SNTG1: variants seen among roughly 807,000 people sequenced by gnomAD.
SNTG1 encodes the protein syntrophin gamma 1.
In SNTG1, 39 loss-of-function variants were observed where a neutral mutation model predicts 74.7. The ratio of observed to expected loss-of-function variants is 0.52; its 90% CI spans 0.40 to 0.68. SNTG1 has a LOEUF of 0.68. Among genes scored for constraint, SNTG1 ranks in the 30% least tolerant of loss-of-function variants. The probability of loss-of-function intolerance (pLI) is 0.00; values close to 1 mark genes in which losing one functional copy is unlikely to be tolerated. For missense variants in SNTG1, 685 were observed against 609.5 expected, an observed-to-expected ratio of 1.12 and a Z score of -1.30; for synonymous variants, 254 against 217.1, an observed-to-expected ratio of 1.17 and a Z score of -1.49.
intron 2 of SNTG1, among the ~76,000 whole-genome samples, chr8:50,372,991 A>C (rs1418356132): frequency 1.3e-5 from 2 of 152,176 alleles, no homozygotes; most frequent in African/African-American, 4.8e-5. Flanking sequence ...CATCTGTCCA[A>C]GCAGTATAAC....
intron 4 of SNTG1, among the ~76,000 whole-genome samples, chr8:50,429,317 A>T (rs2093204544): frequency 6.6e-6 from 1 of 152,146 alleles, no homozygotes; most frequent in South Asian, 2.1e-4. Context: ...AATAGAATTG[A>T]GAGTTCAGAA....
At chr8:50,012,158 T>C (rs1218516698) in intron 1 of SNTG1, among the ~76,000 whole-genome samples, 1 of 152,204 alleles carries the variant, frequency 6.6e-6, no homozygotes, top group Non-Finnish European at 1.5e-5. Context: ...TTTATTTCTT[T>C]AAATTTAAAA....
chr8:50,063,245 A>G (rs1457177488), intron 1 of SNTG1, among the ~76,000 whole-genome samples: 1 of 152,254 alleles, frequency 6.6e-6, no homozygotes, highest in Non-Finnish European at 1.5e-5. Context: ...ACAATAACAA[A>G]ACTTCAGAGA....
intron 18 of SNTG1, among the ~76,000 whole-genome samples, chr8:50,752,603 T>C (rs547560828): frequency 1.3e-5 from 2 of 151,970 alleles, no homozygotes; most frequent in African/African-American, 2.4e-5. Context: ...TATCCCAGTA[T>C]AGAGAAAAGG....
At chr8:49,930,146 G>T (rs2449957) in intron 1 of SNTG1, among the ~76,000 whole-genome samples, 29 of 152,030 alleles carry the variant, frequency 1.9e-4, no homozygotes, top group Non-Finnish European at 2.9e-4. Context: ...TTGGAGATGA[G>T]GACAAAAAGA....
chr8:50,535,557 C>G (rs1196802715), intron 10 of SNTG1, among the ~76,000 whole-genome samples: 1 of 152,154 alleles, frequency 6.6e-6, no homozygotes, highest in African/African-American at 2.4e-5. Context: ...ATTGAGTCAC[C>G]AGTAGGGACC....
At chr8:50,707,041 T>C (rs914685130) in intron 16 of SNTG1, among the ~76,000 whole-genome samples, 4 of 151,964 alleles carry the variant, frequency 2.6e-5, no homozygotes, top group Admixed American at 2.6e-4. Flanking sequence ...ATTAAACATA[T>C]TAACTATACG....
intron 8 of SNTG1, among the ~76,000 whole-genome samples, chr8:50,483,021 T>C (rs2093753846): frequency 6.6e-6 from 1 of 152,182 alleles, no homozygotes; most frequent in Admixed American, 6.5e-5. Flanking sequence ...AGTAGAATAG[T>C]AGACTAGAAA....
intron 2 of SNTG1, among the ~76,000 whole-genome samples, chr8:50,209,870 A>G (rs1231095548): frequency 2.0e-5 from 3 of 152,124 alleles, no homozygotes; most frequent in Non-Finnish European, 2.9e-5. Context: ...CTGGATGGAG[A>G]ATGACTTTGT....
intron 9 of SNTG1, among the ~76,000 whole-genome samples, chr8:50,512,485 C>T (rs899684831): frequency 6.6e-6 from 1 of 152,180 alleles, no homozygotes; most frequent in Admixed American, 6.5e-5. Context: ...TAGGGAAGTT[C>T]TCCTGGATAA....
intron 17 of SNTG1, among the ~76,000 whole-genome samples, chr8:50,728,941 G>A (rs1025477204): frequency 6.6e-6 from 1 of 152,202 alleles, no homozygotes; most frequent in African/African-American, 2.4e-5. Flanking sequence ...GCAGTGGGGA[G>A]CATTTTCTCC....
intron 1 of SNTG1, among the ~76,000 whole-genome samples, chr8:50,154,434 G>C (rs2082184149): frequency 6.6e-6 from 1 of 152,134 alleles, no homozygotes; most frequent in African/African-American, 2.4e-5. Context: ...TACATCCACT[G>C]TCCTACCCCC....
At chr8:50,184,723 A>G (rs1038060572) in intron 2 of SNTG1, among the ~76,000 whole-genome samples, 3 of 152,176 alleles carry the variant, frequency 2.0e-5, no homozygotes, top group South Asian at 2.1e-4. Flanking sequence ...GACTTGAAAT[A>G]TCTCCGTCAT....
intron 2 of SNTG1, among the ~76,000 whole-genome samples, chr8:50,256,382 T>C (rs558681449): frequency 6.6e-6 from 1 of 151,960 alleles, no homozygotes; most frequent in Non-Finnish European, 1.5e-5. Context: ...TTTTAACATT[T>C]TGATTTAAAA....
intron 4 of SNTG1, among the ~76,000 whole-genome samples, chr8:50,416,400 T>C (rs77634163): frequency 1.0e-3 from 154 of 152,294 alleles, no homozygotes; most frequent in African/African-American, 3.5e-3. Context: ...AGCCAATATG[T>C]CAAATGTGTA....
At chr8:50,140,154 C>A (rs1301475146) in intron 1 of SNTG1, among the ~76,000 whole-genome samples, 1 of 152,110 alleles carries the variant, frequency 6.6e-6, no homozygotes. Flanking sequence ...TGAGGCAAAT[C>A]TTTGTTCTGT....
At chr8:50,442,547 T>C (rs757403001) in intron 5 of SNTG1, among the ~76,000 whole-genome samples, 1 of 152,136 alleles carries the variant, frequency 6.6e-6, no homozygotes, top group Non-Finnish European at 1.5e-5. Flanking sequence ...ACTCCTGCTG[T>C]AACTTTTGGG....
chr8:50,337,080 G>T (rs982252567), intron 2 of SNTG1, among the ~76,000 whole-genome samples: 14 of 152,164 alleles, frequency 9.2e-5, no homozygotes, highest in African/African-American at 3.1e-4. Context: ...CATTGCATCA[G>T]ATTAGAAAAA....
At chr8:50,393,666 A>G (rs1333031794) in intron 2 of SNTG1, among the ~76,000 whole-genome samples, 1 of 152,134 alleles carries the variant, frequency 6.6e-6, no homozygotes, top group African/African-American at 2.4e-5. Flanking sequence ...TTATACATTG[A>G]TTTTTCTTAA....
Sources: allele counts gnomAD v4.1 joint callset (sites outside exome capture counted in the v4.1 genomes callset), GRCh38; gene constraint gnomAD v4.1.1; transcripts MANE v1.5; gene names NCBI Gene and HGNC (gene_info 2026-07-23, HGNC 2026-07-21).